The following EXOG variants were observed in gnomAD, a reference collection of about 807,000 sequenced individuals.
EXOG encodes the protein nuclease EXOG, mitochondrial.
A neutral mutation model predicts 25.8 loss-of-function variants in EXOG; 27 were observed. The ratio of observed to expected loss-of-function variants is 1.05; its 90% CI spans 0.77 to 1.45. The LOEUF is 1.45. Among genes scored for constraint, EXOG ranks in the 40% most tolerant of loss-of-function variants. The pLI is 0.00. For synonymous variants in EXOG, 133 were observed against 167.0 expected (o/e 0.80, Z 1.57); for missense variants, 458 against 450.5 (o/e 1.02, Z -0.15).
intron 5 of EXOG, among the ~76,000 whole-genome samples, chr3:38,522,468 T>C (rs2060747258): frequency 6.6e-6 from 1 of 152,182 alleles, no homozygotes; most frequent in Non-Finnish European, 1.5e-5. Flanking sequence ...AGTAAATAGA[T>C]GTTGAGTATT....
At chr3:38,518,450 C>T (rs1358374727) in intron 5 of EXOG, among the ~76,000 whole-genome samples, 1 of 152,212 alleles carries the variant, frequency 6.6e-6, no homozygotes, top group Non-Finnish European at 1.5e-5. Flanking sequence ...GGAGACTGGT[C>T]TGTTTCTCTC....
At chr3:38,519,064 A>G (rs1470905526) in intron 5 of EXOG, among the ~76,000 whole-genome samples, 1 of 152,220 alleles carries the variant, frequency 6.6e-6, no homozygotes, top group Non-Finnish European at 1.5e-5. Flanking sequence ...ACTTGCTAGC[A>G]TGCAAAAATA....
At chr3:38,505,912 G>A (rs953080910) in intron 4 of EXOG, among the ~76,000 whole-genome samples, 5 of 151,702 alleles carry the variant, frequency 3.3e-5, no homozygotes, top group Admixed American at 2.0e-4. Flanking sequence ...GTTGCAGTGA[G>A]CTGAGCCTGG....
intron 4 of EXOG, among the ~76,000 whole-genome samples, chr3:38,505,989 C>T (rs1467297729): frequency 6.7e-6 from 1 of 148,716 alleles, no homozygotes; most frequent in African/African-American, 2.5e-5. Context: ...CAGTCATATA[C>T]ATACTTTCAT....
In EXOG at chr3:38,525,419, G is replaced by C; in HGVS notation, c.*1057G>C. ...CTTGGCAAGAAGAGTCTGGTTTCTC[G>C]TCTGCTATGCAAGCCAAAGGGACTT... On this transcript the variant is annotated 3_prime_UTR_variant, in exon 6 of 6. Transcript: ENST00000287675. The C allele has an allele frequency of 1.2e-5, 12 of 985,314 alleles. No individual in the cohort carries two copies. Among genetic ancestry groups the C allele is most frequent in the Non-Finnish European group, 1.4e-5 (12 of 829,886 alleles). The allele number at this position is 985,314 out of a possible 1,614,324, so 61.0% of individuals were successfully genotyped here.
chr3:38,503,831 T>G, intron 4 of EXOG, 140 bp downstream of exon 4: 1 of 510,932 alleles, frequency 2.0e-6, no homozygotes, highest in Non-Finnish European at 3.4e-6. Context: ...TTGGGCCAGT[T>G]TTCTTTGCTG....
Position 38,525,291 on chromosome 3 carries a change from G to A in EXOG, c.*929G>A, listed in dbSNP as rs1168339122. 1.0e-6 allele frequency: 1 copy of A among 985,256 alleles called. No homozygotes were observed. The highest frequency in any genetic ancestry group is 1.2e-6 in the Non-Finnish European group (1 of 829,874). The allele number at this position is 985,256 out of a possible 1,614,324, so 61.0% of individuals were successfully genotyped here. On this transcript the variant is annotated 3_prime_UTR_variant, in exon 6 of 6. Transcript: ENST00000287675. Reference sequence around the variant, plus strand: ...TATGAGGCAGACAGATCTAAGAGAAGAAAGACAGCTGAGGTAGATTCAAAT... The same window carrying A: ...TATGAGGCAGACAGATCTAAGAGAAAAAAGACAGCTGAGGTAGATTCAAAT...
Position 38,501,569 on chromosome 3 carries a change from AC to A in EXOG, c.453+77del, listed in dbSNP as rs1412547342. ...TACAACAGGAATTAGAGGTTTAAAA[AC>A]CTAGGAGCCAAACCTTAAAACTTGA... On this transcript the variant is annotated intron_variant, in intron 3 of 5. Transcript: ENST00000287675. 2.5e-5 allele frequency: 34 copies of A among 1,336,870 alleles called. No individual in the cohort carries two copies. The South Asian group carries it at 3.9e-4, about 15-fold the overall frequency. The allele number at this position is 1,336,870 out of a possible 1,614,324, so 82.8% of individuals were successfully genotyped here. A position where few individuals can be genotyped will look rare whatever the true frequency, so the allele number is the denominator to read the frequency against.
intron 5 of EXOG, chr3:38,519,488 G>A (rs924574119): frequency 6.6e-6 from 1 of 152,154 alleles, no homozygotes; most frequent in African/African-American, 2.4e-5. Flanking sequence ...AACCCTAAAG[G>A]GGAGGAAATT....
Position 38,496,516 on chromosome 3 carries a change from G to A in EXOG, c.149G>A (p.Gly50Glu). 6.2e-7 allele frequency: 1 copy of A among 1,612,154 alleles called. No individual in the cohort carries two copies. The highest frequency in any genetic ancestry group is 2.2e-5 in the East Asian group (1 of 44,872). The change falls in exon 1 of 6, where the codon GGG becomes GAG. Residue 50 changes from glycine (G) to glutamate (E), a missense_variant. Physicochemically the swap from Gly to Glu is moderately conservative, Grantham distance 98. This residue lies in a region of EXOG where 275 missense variants were observed against 230.5 expected (regional missense o/e 1.19). Transcript: ENST00000287675. ...CAGGGCGCTGAGGGAGCGTTGACAG[G>A]GAAGCAGCCGGATGGTAAGTCTGTG... ...RSQGAEGALTGKQPDGSAEKA... is the reference protein window; with the variant it reads ...RSQGAEGALTEKQPDGSAEKA...
intron 5 of EXOG, among the ~76,000 whole-genome samples, chr3:38,522,395 G>A (rs1374218618): frequency 6.6e-6 from 1 of 152,240 alleles, no homozygotes; most frequent in South Asian, 2.1e-4. Flanking sequence ...GAAGGGCCCG[G>A]GAGGGGCAGT....
chr3:38,514,528 C>G (rs2060472761), intron 5 of EXOG, among the ~76,000 whole-genome samples: 1 of 151,992 alleles, frequency 6.6e-6, no homozygotes, highest in Non-Finnish European at 1.5e-5. Flanking sequence ...AGAGGAGCAG[C>G]CTTTAAGGTA....
In EXOG at chr3:38,496,448, C is replaced by CGCTGCGGGA. The variant is rs758855102; in HGVS notation, c.86_94dup (p.Ala29_Ala31dup). 6.2e-7 allele frequency: 1 copy of CGCTGCGGGA among 1,613,910 alleles called. No individual in the cohort carries two copies. Among genetic ancestry groups the CGCTGCGGGA allele is most frequent in the Admixed American group, 1.7e-5 (1 of 60,000 alleles). On this transcript the variant is annotated inframe_insertion, in exon 1 of 6. Transcript: ENST00000287675. ...GCTTCGTGGCTGGGGCTGTAGTGGG[C>CGCTGCGGGA]GCTGCGGGAGCTGGGCTCGCGGCCC...
At position 38,525,810 on chromosome 3, in the gene EXOG, G is replaced by A. The variant is rs74394482; in HGVS notation, c.*1448G>A. 5.8e-6 allele frequency: 2 copies of A among 343,564 alleles called. No individual in the cohort carries two copies. The highest frequency in any genetic ancestry group is 4.5e-5 in the African/African-American group (2 of 44,880). 21.3% of individuals were successfully genotyped at this position (343,564 alleles called of 1,614,324 possible). On this transcript the variant is annotated 3_prime_UTR_variant, in exon 6 of 6. Transcript: ENST00000287675. ...AATACAAAAATTAGCTGGGCGTGGT[G>A]GTGCACACCTGTAGTCCCAGCTACT...
At chr3:38,515,056 G>T (rs867223480) in intron 5 of EXOG, among the ~76,000 whole-genome samples, 3 of 152,166 alleles carry the variant, frequency 2.0e-5, no homozygotes, top group Non-Finnish European at 2.9e-5. Context: ...ACAGGCATGA[G>T]TCACTGCACC....
At chr3:38,520,176 TTGGGTCTCTTC>T (rs1490320529) in intron 5 of EXOG, among the ~76,000 whole-genome samples, 2 of 152,200 alleles carry the variant, frequency 1.3e-5, no homozygotes, top group Non-Finnish European at 2.9e-5. Flanking sequence ...ATTGTTTGTT[TTGGGTCTCTTC>T]TGGGTCTGGG....
chr3:38,497,963 GCTGT>G, intron 2 of EXOG, 185 bp downstream of exon 2: 1 of 654,570 alleles, frequency 1.5e-6, no homozygotes, highest in South Asian at 2.3e-5. Flanking sequence ...ACCCTTTCCA[GCTGT>G]CTCAGGGCTG....
chr3:38,496,525 C>A lies in EXOG; in HGVS notation c.158C>A (p.Pro53Gln), dbSNP rs766432267. 1.9e-6 allele frequency: 3 copies of A among 1,611,170 alleles called. No individual in the cohort carries two copies. Residue 53 changes from proline to glutamine, a missense_variant, in exon 1 of 6, where the codon CCG (proline) becomes CAG (glutamine). Physicochemically the swap from Pro to Gln is moderately conservative, Grantham distance 76. Coordinates refer to ENST00000287675, the MANE Select transcript of EXOG (RefSeq NM_005107.4). ...GAEGALTGKQPDGSAEKAVLE... is the reference protein window; with the variant it reads ...GAEGALTGKQQDGSAEKAVLE... ...GAGGGAGCGTTGACAGGGAAGCAGC[C>A]GGATGGTAAGTCTGTGGGCCCGTCC...
intron 5 of EXOG, among the ~76,000 whole-genome samples, chr3:38,514,538 A>G (rs1325081223): frequency 2.6e-5 from 4 of 152,208 alleles, no homozygotes; most frequent in Non-Finnish European, 5.9e-5. Flanking sequence ...CCTTTAAGGT[A>G]GGAGAAATCT....
Sources: gnomAD v4.1 joint callset for allele counts (sites outside exome capture counted in the v4.1 genomes callset) on GRCh38, gnomAD v4.1.1 for gene constraint, gnomAD v4.1.1 regional missense constraint, MANE v1.5 for transcripts, NCBI Gene and HGNC (gene_info 2026-07-23, HGNC 2026-07-21) for gene names.